Variants in PACS1 observed in about 807,000 individuals in gnomAD.
PACS1 encodes phosphofurin acidic cluster sorting protein 1.
A neutral mutation model predicts 115.0 loss-of-function variants in PACS1; 24 were observed. The observed-to-expected ratio is 0.21, with a 90% CI of 0.15 to 0.29. The LOEUF (loss-of-function observed/expected upper bound fraction) is 0.29, where lower values mean the gene tolerates loss of function less well. Ranked by LOEUF, PACS1 falls within the 10% of genes least tolerant of loss-of-function variation. The probability of loss-of-function intolerance (pLI) is 1.00; values close to 1 mark genes in which losing one functional copy is unlikely to be tolerated. For synonymous variants in PACS1, 453 were observed against 504.5 expected (o/e 0.90, Z 1.37); for missense variants, 838 against 1,251.2 (o/e 0.67, Z 4.98).
intron 1 of PACS1, among the ~76,000 whole-genome samples, chr11:66,144,854 C>T (rs558204829): frequency 2.0e-5 from 3 of 152,256 alleles, no homozygotes; most frequent in South Asian, 2.1e-4. Flanking sequence ...AGGCTGGTCT[C>T]GAACTCCTGA....
intron 1 of PACS1, among the ~76,000 whole-genome samples, chr11:66,083,131 A>G (rs1030738329): frequency 6.6e-6 from 1 of 152,110 alleles, no homozygotes; most frequent in African/African-American, 2.4e-5. Flanking sequence ...AGTTGACAGC[A>G]TTCTGTCATC....
At chr11:66,243,090 C>A in intron 23 of PACS1, 59 bp downstream of exon 23, 1 of 1,612,330 alleles carries the variant, frequency 6.2e-7, no homozygotes, top group Non-Finnish European at 8.5e-7. Flanking sequence ...GGGAGGCAGG[C>A]AATGGCCTTT....
intron 1 of PACS1, among the ~76,000 whole-genome samples, chr11:66,141,226 T>G (rs552375538): frequency 6.6e-6 from 1 of 152,374 alleles, no homozygotes; most frequent in Admixed American, 6.5e-5. Context: ...TTTGATGAGT[T>G]TGGAATGCTT....
chr11:66,083,627 C>G (rs1857522504), intron 1 of PACS1, among the ~76,000 whole-genome samples: 1 of 152,198 alleles, frequency 6.6e-6, no homozygotes, highest in African/African-American at 2.4e-5. Flanking sequence ...AAGGCAGCCA[C>G]ACTGATAAAT....
intron 1 of PACS1, among the ~76,000 whole-genome samples, chr11:66,114,704 C>G (rs1858265088): frequency 6.6e-6 from 1 of 152,062 alleles, no homozygotes; most frequent in Non-Finnish European, 1.5e-5. Context: ...CTCACTGATA[C>G]TGTAATGTTA....
At chr11:66,238,252 G>A in intron 19 of PACS1, 1 of 985,320 alleles carries the variant, frequency 1.0e-6, no homozygotes, top group Non-Finnish European at 1.2e-6. Flanking sequence ...CGTCCACTTG[G>A]CTTTAGACTC....
At chr11:66,104,226 A>T (rs1355512671) in intron 1 of PACS1, among the ~76,000 whole-genome samples, 3 of 152,202 alleles carry the variant, frequency 2.0e-5, no homozygotes, top group Non-Finnish European at 1.5e-5. Context: ...GTGAAAGGTA[A>T]TAAAAGTCTG....
At chr11:66,142,658 A>G (rs540943) in intron 1 of PACS1, among the ~76,000 whole-genome samples, 134,474 of 150,822 alleles carry the variant, frequency 0.89, 60,849 homozygotes, top group East Asian at 0.97. Flanking sequence ...GGAGATAATT[A>G]CGTTGAAACC....
At chr11:66,120,120 A>G (rs533407898) in intron 1 of PACS1, among the ~76,000 whole-genome samples, 2 of 150,634 alleles carry the variant, frequency 1.3e-5, no homozygotes, top group East Asian at 3.9e-4. Flanking sequence ...TTAATCTACT[A>G]TAACTGTGAA....
chr11:66,136,323 T>TCACACACA (rs61577143), intron 1 of PACS1, among the ~76,000 whole-genome samples: 10,351 of 145,796 alleles, frequency 0.071, 602 homozygotes, highest in East Asian at 0.18. Flanking sequence ...AATCCCACTG[T>TCACACACA]CACACACACA....
At position 66,168,750 on chromosome 11, in the gene PACS1, A is replaced by ATGTGTG. The variant is rs1232691646; in HGVS notation, c.357-24735_357-24734insGTGTGT. Among the ~76,000 whole-genome samples, 75 of 142,652 alleles carry ATGTGTG rather than the reference A, an allele frequency of 5.3e-4. 1 individual carries two copies. The highest frequency in any genetic ancestry group is 2.0e-3 in the African/African-American group (72 of 35,396). The allele number at this position is 142,652 out of a possible 152,430, so 93.6% of individuals were successfully genotyped here. On this transcript the variant is annotated intron_variant, in intron 1 of 23. Transcript: ENST00000320580. ...GTTGCTTCCTAAATAGTATATATAT[A>ATGTGTG]TATGTGTGTGTGTGTGTGTGTGTGT...
rs560885458 is a variant in PACS1 at position 66,211,758 on chromosome 11, T to A, written c.660+499T>A. 7.2e-5 allele frequency among the ~76,000 whole-genome samples: 11 copies of A among 152,268 alleles called. No homozygotes were observed. The East Asian group carries it at 2.1e-3, about 29-fold the overall frequency. ...CACCATCAAGATCAGGACACTAACGTTGAGATAAGATTGCCGTCTAACCCA... is the reference window on the plus strand; with the variant it reads ...CACCATCAAGATCAGGACACTAACGATGAGATAAGATTGCCGTCTAACCCA... On this transcript the variant is annotated intron_variant, in intron 4 of 23. Transcript: ENST00000320580.
chr11:66,241,670 C>A lies in PACS1; in HGVS notation c.2656+17C>A. On this transcript the variant is annotated intron_variant, in intron 22 of 23. Coordinates refer to ENST00000320580, the MANE Select transcript of PACS1 (RefSeq NM_018026.4). ...ACAAGAAAGGTAAGTACCCCCAAGG[C>A]CGGGGAAGACCATGGGCCACCAGGC... 6.3e-7 allele frequency: 1 copy of A among 1,590,636 alleles called. No homozygotes were observed. The highest frequency in any genetic ancestry group is 8.6e-7 in the Non-Finnish European group (1 of 1,160,184).
intron 2 of PACS1, among the ~76,000 whole-genome samples, chr11:66,195,253 C>A (rs959173009): frequency 6.6e-6 from 1 of 152,148 alleles, no homozygotes; most frequent in East Asian, 1.9e-4. Flanking sequence ...TTTAATTACT[C>A]ATGAATTCCT....
At chr11:66,086,201 G>A (rs1277135006) in intron 1 of PACS1, among the ~76,000 whole-genome samples, 1 of 147,746 alleles carries the variant, frequency 6.8e-6, no homozygotes, top group Admixed American at 6.8e-5. Flanking sequence ...GCAGTGGCGC[G>A]ATCTCGGCTC....
At chr11:66,110,891 T>C (rs1858173134) in intron 1 of PACS1, among the ~76,000 whole-genome samples, 1 of 152,186 alleles carries the variant, frequency 6.6e-6, no homozygotes, top group Non-Finnish European at 1.5e-5. Flanking sequence ...TTTATACGTG[T>C]GTTCAGCTAC....
intron 2 of PACS1, among the ~76,000 whole-genome samples, chr11:66,198,847 A>T (rs1854706420): frequency 6.6e-6 from 1 of 152,162 alleles, no homozygotes; most frequent in Admixed American, 6.5e-5. Flanking sequence ...TTTTCATTTT[A>T]AAACTTTGTA....
intron 4 of PACS1, among the ~76,000 whole-genome samples, chr11:66,212,846 C>T (rs899178876): frequency 2.6e-5 from 4 of 151,856 alleles, no homozygotes; most frequent in Admixed American, 2.6e-4. Context: ...TATTAATTGG[C>T]TTTATTTATT....
Position 66,230,155 on chromosome 11 carries a change from A to C in PACS1, c.1375-393A>C, listed in dbSNP as rs546989719. 3.9e-3 allele frequency among the ~76,000 whole-genome samples: 548 copies of C among 139,862 alleles called. 2 individuals carry two copies. Among genetic ancestry groups the C allele is most frequent in the Non-Finnish European group, 6.7e-3 (418 of 62,828 alleles). The allele number at this position is 139,862 out of a possible 152,430, so 91.8% of individuals were successfully genotyped here. A position where few individuals can be genotyped will look rare whatever the true frequency, so the allele number is the denominator to read the frequency against. On this transcript the variant is annotated intron_variant, in intron 11 of 23. Transcript: ENST00000320580. Reference sequence around the variant, plus strand: ...GGGGCTAAAAAAAAAAAAAAAAAAGAAAAAAAAAAAAGGAATGGGGCTATG... The same window carrying C: ...GGGGCTAAAAAAAAAAAAAAAAAAGCAAAAAAAAAAAGGAATGGGGCTATG...
Sources: gnomAD v4.1 joint callset for allele counts (sites outside exome capture counted in the v4.1 genomes callset) on GRCh38, gnomAD v4.1.1 for gene constraint, MANE v1.5 for transcripts, NCBI Gene and HGNC (gene_info 2026-07-23, HGNC 2026-07-21) for gene names.